Variants in FAM178B observed in about 807,000 individuals in gnomAD.
FAM178B encodes the protein family with sequence similarity 178 member B, also known as protein FAM178B.
FAM178B carries 82 observed loss-of-function variants against 91.7 expected under a neutral mutation model. The observed-to-expected ratio is 0.89, with a 90% CI of 0.75 to 1.07. The LOEUF (loss-of-function observed/expected upper bound fraction) is 1.07, where lower values mean the gene tolerates loss of function less well. FAM178B is among the 50% of genes least tolerant of loss of function. FAM178B has a pLI of 0.00. For synonymous variants in FAM178B, 368 were observed against 359.4 expected (o/e 1.02, Z -0.27); for missense variants, 769 against 846.7 (o/e 0.91, Z 1.14).
At chr2:96,924,071 GC>G (rs2081393327) in intron 9 of FAM178B, among the ~76,000 whole-genome samples, 1 of 152,230 alleles carries the variant, frequency 6.6e-6, no homozygotes, top group Admixed American at 6.5e-5. Flanking sequence ...GTAGGAGGAG[GC>G]TACAGAACTA....
At chr2:96,917,754 G>A (rs975906524) in intron 12 of FAM178B, among the ~76,000 whole-genome samples, 1 of 152,182 alleles carries the variant, frequency 6.6e-6, no homozygotes, top group African/African-American at 2.4e-5. Context: ...TACTAAGGAG[G>A]TTGAGGCAGG....
intron 4 of FAM178B, among the ~76,000 whole-genome samples, chr2:96,967,911 C>CTTTTTGTTTTTTTTTTTTT (rs2082165868): frequency 3.2e-5 from 2 of 62,418 alleles, no homozygotes; most frequent in Admixed American, 2.2e-4. Flanking sequence ...CCTGTTTGGT[C>CTTTTTGTTTTTTTTTTTTT]TTTTTTTTTT....
intron 12 of FAM178B, among the ~76,000 whole-genome samples, chr2:96,905,850 A>G (rs186356909): frequency 5.1e-4 from 13 of 25,592 alleles, no homozygotes; most frequent in South Asian, 1.1e-3. Flanking sequence ...ATATATATAT[A>G]TATATATATA....
At chr2:96,924,385 G>A (rs2081399032) in intron 9 of FAM178B, among the ~76,000 whole-genome samples, 1 of 152,252 alleles carries the variant, frequency 6.6e-6, no homozygotes, top group African/African-American at 2.4e-5. Context: ...ACCCTGAGCT[G>A]ATGTGCTGTC....
chr2:96,897,197 A>AT (rs1314050544), intron 13 of FAM178B, among the ~76,000 whole-genome samples: 8 of 151,916 alleles, frequency 5.3e-5, no homozygotes, highest in Non-Finnish European at 8.8e-5. Context: ...TTTATCACCT[A>AT]TTCCCCCCCA....
intron 13 of FAM178B, among the ~76,000 whole-genome samples, chr2:96,895,928 G>A (rs1360315125): frequency 6.6e-6 from 1 of 152,246 alleles, no homozygotes; most frequent in Non-Finnish European, 1.5e-5. Flanking sequence ...CAGCTTCTGG[G>A]AGGCGGCCAG....
chr2:96,970,383 G>T (rs1056913800), intron 4 of FAM178B, among the ~76,000 whole-genome samples: 9 of 152,196 alleles, frequency 5.9e-5, no homozygotes, highest in Non-Finnish European at 1.3e-4. Context: ...GTAACCCTCA[G>T]CCACAAAACA....
rs373394292 is a variant in FAM178B, at chr2:96,902,109, A to ATTTTTTTTTTT, written c.1650+500_1650+510dup. 5.8e-5 allele frequency among the ~76,000 whole-genome samples: 8 copies of ATTTTTTTTTTT among 138,392 alleles called. 1 individual carries two copies. Among genetic ancestry groups the ATTTTTTTTTTT allele is most frequent in the East Asian group, 2.1e-4 (1 of 4,662 alleles). The allele number at this position is 138,392 out of a possible 152,430, so 90.8% of individuals were successfully genotyped here. A position where few individuals can be genotyped will look rare whatever the true frequency, so the allele number is the denominator to read the frequency against. ...GCTACCACACCCAGCTTTTACTACA[A>ATTTTTTTTTTT]TTTTTTTTTTTTTTGAGATGGAGTC... On this transcript the variant is annotated intron_variant, in intron 13 of 16. Coordinates refer to ENST00000490605, the MANE Select transcript of FAM178B (RefSeq NM_001122646.3).
intron 14 of FAM178B, among the ~76,000 whole-genome samples, chr2:96,884,245 G>A (rs1313352284): frequency 6.6e-6 from 1 of 152,198 alleles, no homozygotes; most frequent in Non-Finnish European, 1.5e-5. Flanking sequence ...TGTCCAGGAA[G>A]GGCAGGTCTG....
At position 96,926,988 on chromosome 2, in the gene FAM178B, G is replaced by A. The variant is rs367865799; in HGVS notation, c.1193+2218C>T. On this transcript the variant is annotated intron_variant, in intron 9 of 16. Coordinates refer to ENST00000490605, the MANE Select transcript of FAM178B (RefSeq NM_001122646.3). ...CCCTGGAAGTCAGCAGAAAAAAGAT[G>A]CCTGGGCGGAGCCAGCTCGCACAAG... is the stretch of plus-strand genomic sequence containing the variant. Among the ~76,000 whole-genome samples the A allele has an allele frequency of 2.3e-4, 35 of 152,328 alleles. 4 individuals are homozygous for A. The highest frequency in any genetic ancestry group is 6.5e-4 in the Admixed American group (10 of 15,298).
intron 7 of FAM178B, among the ~76,000 whole-genome samples, chr2:96,951,143 C>A (rs2081920481): frequency 6.6e-6 from 1 of 152,160 alleles, no homozygotes; most frequent in Admixed American, 6.5e-5. Flanking sequence ...AGGCTCCCAG[C>A]GCTCGCCGCT....
At chr2:96,922,372 C>CA (rs1452466597) in intron 10 of FAM178B, among the ~76,000 whole-genome samples, 2 of 152,210 alleles carry the variant, frequency 1.3e-5, no homozygotes, top group African/African-American at 4.8e-5. Context: ...TTTTTTGAGA[C>CA]AGAGTCTTGC....
chr2:96,934,261 C>T (rs2081589449), intron 8 of FAM178B, among the ~76,000 whole-genome samples: 2 of 152,292 alleles, frequency 1.3e-5, no homozygotes, highest in Non-Finnish European at 1.5e-5. Context: ...CGCTGGAGCA[C>T]CCTGAGTGAC....
intron 13 of FAM178B, among the ~76,000 whole-genome samples, chr2:96,896,250 CTT>C (rs2153368856): frequency 6.6e-6 from 1 of 152,308 alleles, no homozygotes; most frequent in East Asian, 1.9e-4. Flanking sequence ...GATGCTTGCT[CTT>C]GTGTTTTTCC....
rs1030393714 is a variant in FAM178B at position 96,905,816 on chromosome 2, G to A, written c.1563-3109C>T. Among the ~76,000 whole-genome samples the A allele has an allele frequency of 4.5e-3, 166 of 36,748 alleles. 6 individuals carry two copies. Among genetic ancestry groups the A allele is most frequent in the African/African-American group, 0.02 (160 of 7,952 alleles). 24.1% of individuals were successfully genotyped at this position (36,748 alleles called of 152,430 possible). A position where few individuals can be genotyped will look rare whatever the true frequency, so the allele number is the denominator to read the frequency against. On this transcript the variant is annotated intron_variant, in intron 12 of 16. Transcript: ENST00000490605. The stretch of plus-strand genomic sequence containing the variant: ...TATACACAAAAATATACATATATGT[G>A]TGTATATATATATATATATATATAT...
At chr2:96,958,317 G>A (rs907869930) in intron 6 of FAM178B, among the ~76,000 whole-genome samples, 5 of 152,038 alleles carry the variant, frequency 3.3e-5, no homozygotes, top group South Asian at 2.1e-4. Flanking sequence ...TGATCCGCCC[G>A]CCTCGGCCTC....
chr2:96,905,958 G>A (rs2081047386), intron 12 of FAM178B, among the ~76,000 whole-genome samples: 1 of 139,498 alleles, frequency 7.2e-6, no homozygotes, highest in South Asian at 2.3e-4. Flanking sequence ...CGCAACCTCT[G>A]CCTCCTCGGT....
At position 96,923,489 on chromosome 2, in the gene FAM178B, C is replaced by T. The variant is rs2081381126; in HGVS notation, c.1287+1G>A. Reference sequence around the variant, plus strand: ...TGCATGAGGCAGGCGGCTTGACTCACCTTGTAGATGTGGCCCAGGCTGATG... The same window carrying T: ...TGCATGAGGCAGGCGGCTTGACTCATCTTGTAGATGTGGCCCAGGCTGATG... On this transcript the variant is annotated splice_donor_variant, in intron 10 of 16. Coordinates refer to ENST00000490605, the MANE Select transcript of FAM178B (RefSeq NM_001122646.3). LOFTEE classifies it high-confidence loss of function. 6.4e-7 allele frequency: 1 copy of T among 1,551,058 alleles called. No homozygotes were observed. Among genetic ancestry groups the T allele is most frequent in the Admixed American group, 2.0e-5 (1 of 50,996 alleles).
intron 10 of FAM178B, among the ~76,000 whole-genome samples, chr2:96,922,757 T>A (rs1398787220): frequency 6.6e-6 from 1 of 152,168 alleles, no homozygotes. Flanking sequence ...CAGGCTGGAG[T>A]GCAATGGTGC....
Sources: allele counts gnomAD v4.1 joint callset (sites outside exome capture counted in the v4.1 genomes callset), GRCh38; gene constraint gnomAD v4.1.1; transcripts MANE v1.5; gene names NCBI Gene and HGNC (gene_info 2026-07-23, HGNC 2026-07-21).